Variants in DDX43 observed in about 807,000 individuals in gnomAD.
DDX43 encodes probable ATP-dependent RNA helicase DDX43.
A neutral mutation model predicts 84.9 loss-of-function variants in DDX43; 50 were observed. The ratio of observed to expected loss-of-function variants is 0.59; its 90% CI spans 0.47 to 0.75. The LOEUF is 0.75. Ranked by LOEUF, DDX43 falls within the 30% of genes least tolerant of loss-of-function variation. The pLI, the probability that DDX43 is intolerant of heterozygous loss-of-function variation, is 0.00. For missense variants in DDX43, 689 were observed against 798.6 expected, an observed-to-expected ratio of 0.86 and a Z score of 1.65; for synonymous variants, 291 against 266.3, an observed-to-expected ratio of 1.09 and a Z score of -0.90.
chr6:73,414,025 C>A lies in DDX43; in HGVS notation c.1552C>A (p.His518Asn). The A allele has an allele frequency of 6.2e-7, 1 of 1,612,052 alleles. No individual in the cohort carries two copies. Among genetic ancestry groups the A allele is most frequent in the Non-Finnish European group, 8.5e-7 (1 of 1,178,226 alleles). Residue 518 changes from histidine to asparagine, a missense_variant, in exon 13 of 17, where the codon CAT becomes AAT. Physicochemically the swap from His to Asn is moderately conservative, Grantham distance 68. Transcript: ENST00000370336. ...TGGAAATATATCAGTAGAGTCTCTG[C>A]ATGGAGATAGAGAACAGAGAGATCG... ...ILGNISVESLHGDREQRDREK... is the reference protein window; with the variant it reads ...ILGNISVESLNGDREQRDREK...
Position 73,395,023 on chromosome 6 carries a change from C to T in DDX43, c.118C>T (p.Pro40Ser), listed in dbSNP as rs985949048. ...GGCGGAGGAGTTGAATCGAACAGGT[C>T]CTGAGGGATATAGTGTCGGCAGAGG... is the stretch of plus-strand genomic sequence containing the variant. ...RPAEELNRTGPEGYSVGRGGR... is the reference protein window; with the variant it reads ...RPAEELNRTGSEGYSVGRGGR... The change falls in exon 1 of 17, where the codon CCT (proline) becomes TCT (serine). Residue 40 changes from proline (P) to serine (S), a missense_variant. Transcript: ENST00000370336. The T allele has an allele frequency of 1.2e-5, 19 of 1,614,110 alleles. No homozygotes were observed. Among genetic ancestry groups the T allele is most frequent in the Non-Finnish European group, 1.5e-5 (18 of 1,180,046 alleles).
chr6:73,397,657 A>G, intron 1 of DDX43, 32 bp from the exon 2 acceptor site: 1 of 1,550,812 alleles, frequency 6.4e-7, no homozygotes. Flanking sequence ...ATTTCAACTT[A>G]TAACAATATA....
At chr6:73,407,027 G>T (rs2150795671) in intron 7 of DDX43, 1 of 153,888 alleles carries the variant, frequency 6.5e-6, no homozygotes, top group African/African-American at 2.4e-5. Context: ...ATCATAATTA[G>T]CAAAGTCTGT....
rs767975138 is a variant in DDX43 at position 73,395,148 on chromosome 6, G to A, written c.243G>A (p.Ala81=). Residue 81 remains alanine (A), a synonymous_variant, in exon 1 of 17, where the codon GCG becomes GCA. Transcript: ENST00000370336. ...CFALKSHFVG[A]VIGRGGSKIK... ...CTTTGAAGAGCCACTTTGTTGGCGC[G>A]GTAATCGGTGAGAATGGGAGTGGCT... 9 of 1,610,736 alleles carry A rather than the reference G, an allele frequency of 5.6e-6. No individual in the cohort carries two copies. The South Asian group carries it at 8.8e-5, about 16-fold the overall frequency.
intron 10 of DDX43, among the ~76,000 whole-genome samples, chr6:73,410,573 A>G (rs1769764245): frequency 6.6e-6 from 1 of 152,132 alleles, no homozygotes; most frequent in Non-Finnish European, 1.5e-5. Context: ...ATATTCTTTG[A>G]TCAGTATATT....
At chr6:73,400,508 G>T in intron 3 of DDX43, 145 bp downstream of exon 3, 1 of 693,882 alleles carries the variant, frequency 1.4e-6, no homozygotes. Flanking sequence ...ATGAATGAAA[G>T]CCCAGAATAT....
Position 73,395,005 on chromosome 6 carries a change from G to A in DDX43, c.100G>A (p.Glu34Lys). Residue 34 changes from glutamate to lysine, a missense_variant, in exon 1 of 17, where the codon GAG becomes AAG. Glu to Lys is a moderately conservative substitution (Grantham distance 56). Transcript: ENST00000370336. ...SRAPERRPAE[E>K]LNRTGPEGYS... ...AGCGCCAGAGAGGAGGCCGGCGGAG[G>A]AGTTGAATCGAACAGGTCCTGAGGG... 6.2e-7 allele frequency: 1 copy of A among 1,614,272 alleles called. No homozygotes were observed. The highest frequency in any genetic ancestry group is 8.5e-7 in the Non-Finnish European group (1 of 1,180,046).
chr6:73,401,741 G>C (rs923141535), intron 3 of DDX43, 118 bp from the exon 4 acceptor site: 27 of 927,868 alleles, frequency 2.9e-5, no homozygotes, highest in Non-Finnish European at 3.8e-5. Context: ...GGTGGAGCTT[G>C]CAGTGAGCCG....
intron 7 of DDX43, 33 bp downstream of exon 7, chr6:73,406,515 G>C: frequency 1.5e-6 from 2 of 1,360,530 alleles, no homozygotes; most frequent in Non-Finnish European, 2.1e-6. Flanking sequence ...TCTTCTTATA[G>C]AGGTTTAATA....
rs760681871 is a variant in DDX43 at position 73,394,867 on chromosome 6, T to C, written c.-39T>C. On this transcript the variant is annotated 5_prime_UTR_variant, in exon 1 of 17. Coordinates refer to ENST00000370336, the MANE Select transcript of DDX43 (RefSeq NM_018665.3). ...ACGTCACGGTCAGGTGGTGCAGAGC[T>C]GGACGGCAACGACGTCGGACGCGCC... is the stretch of plus-strand genomic sequence containing the variant. The C allele has an allele frequency of 1.9e-6, 3 of 1,606,604 alleles. 1 individual carries two copies. The Admixed American group carries it at 5.0e-5, about 27-fold the overall frequency.
chr6:73,411,872 A>G (rs1440608607), intron 10 of DDX43, among the ~76,000 whole-genome samples: 1 of 151,270 alleles, frequency 6.6e-6, no homozygotes, highest in Non-Finnish European at 1.5e-5. Context: ...TGATTTTTGT[A>G]TTTTCAGTAG....
chr6:73,405,817 A>T lies in DDX43; in HGVS notation c.789A>T (p.Gln263His). The part of the protein sequence containing the change: ...VMENIKKAGF[Q>H]KPTPIQSQAW... The stretch of plus-strand genomic sequence containing the variant: ...AAAACATTAAAAAGGCAGGTTTTCA[A>T]AAGCCAACACCTATTCAGGTATGCT... The change falls in exon 6 of 17, where the codon CAA becomes CAT. Residue 263 changes from glutamine (Q) to histidine (H), a missense_variant. Gln to His is a conservative substitution (Grantham distance 24, BLOSUM62 0). Around this residue, in one of 2 missense-constraint regions of DDX43, gnomAD observed 552 missense variants for 692.7 expected, o/e 0.80. Coordinates refer to ENST00000370336, the MANE Select transcript of DDX43 (RefSeq NM_018665.3). 6.2e-7 allele frequency: 1 copy of T among 1,613,934 alleles called. No homozygotes were observed. The highest frequency in any genetic ancestry group is 2.2e-5 in the East Asian group (1 of 44,874).
intron 5 of DDX43, 52 bp downstream of exon 5, chr6:73,404,823 G>A: frequency 7.3e-7 from 1 of 1,379,130 alleles, no homozygotes; most frequent in South Asian, 1.2e-5. Flanking sequence ...TTACGTTATT[G>A]GTATTAACAC....
Position 73,408,075 on chromosome 6 carries a change from G to A in DDX43, c.1153G>A (p.Val385Ile), listed in dbSNP as rs201225104. The A allele has an allele frequency of 6.7e-5, 108 of 1,613,856 alleles. No individual in the cohort carries two copies. The highest frequency in any genetic ancestry group is 8.7e-5 in the Non-Finnish European group (103 of 1,179,956). Reference sequence around the variant, plus strand: ...GAATGATCTGCAAATGAGTAACTTCGTCAATCTGAAGAATATAACCTACTT... The same window carrying A: ...GAATGATCTGCAAATGAGTAACTTCATCAATCTGAAGAATATAACCTACTT... ...RLNDLQMSNF[V>I]NLKNITYLVL... is the part of the protein sequence containing the mutation. The change falls in exon 9 of 17, where the codon GTC becomes ATC. Residue 385 changes from valine (V) to isoleucine (I), a missense_variant. Transcript: ENST00000370336.
intron 14 of DDX43, among the ~76,000 whole-genome samples, chr6:73,414,942 G>T (rs1203046943): frequency 6.6e-6 from 1 of 152,000 alleles, no homozygotes; most frequent in Non-Finnish European, 1.5e-5. Flanking sequence ...TGTACCCAGT[G>T]GTTACTCTGA....
At chr6:73,396,023 C>A (rs913357720) in intron 1 of DDX43, among the ~76,000 whole-genome samples, 1 of 149,760 alleles carries the variant, frequency 6.7e-6, no homozygotes, top group African/African-American at 2.5e-5. Flanking sequence ...TGCAGTGTGG[C>A]GTGATCTCGG....
chr6:73,398,031 C>CG, intron 2 of DDX43: 1 of 223,042 alleles, frequency 4.5e-6, no homozygotes. Context: ...AGGCTGCTCT[C>CG]AACTCCTGGC....
chr6:73,411,529 A>T (rs1208699638), intron 10 of DDX43, among the ~76,000 whole-genome samples: 2 of 151,644 alleles, frequency 1.3e-5, no homozygotes, highest in African/African-American at 2.4e-5. Context: ...GACTTTCCCC[A>T]TGTTGACCAG....
rs1419091487 is a variant in DDX43, at chr6:73,409,126, G to A, written c.1180-122G>A. The A allele has an allele frequency of 2.1e-5, 15 of 720,874 alleles. No individual in the cohort carries two copies. In the East Asian group the frequency reaches 2.6e-4, roughly 13 times the overall value. The allele number at this position is 720,874 out of a possible 1,614,324, so 44.7% of individuals were successfully genotyped here. A position where few individuals can be genotyped will look rare whatever the true frequency, so the allele number is the denominator to read the frequency against. ...TCTGACCTCTGGAGAAATTAGAATCGTGGCTTAAGTAATAGGGGAAATGAG... is the reference window on the plus strand; with the variant it reads ...TCTGACCTCTGGAGAAATTAGAATCATGGCTTAAGTAATAGGGGAAATGAG... On this transcript the variant is annotated intron_variant, in intron 9 of 16. Transcript: ENST00000370336.
Sources: allele counts gnomAD v4.1 joint callset (sites outside exome capture counted in the v4.1 genomes callset), GRCh38; gene constraint gnomAD v4.1.1; regional missense constraint gnomAD v4.1.1; transcripts MANE v1.5; gene names NCBI Gene and HGNC (gene_info 2026-07-23, HGNC 2026-07-21).